Variants in DOCK1 observed in about 807,000 individuals in gnomAD.
The protein encoded by DOCK1 is dedicator of cytokinesis protein 1.
Under a neutral mutation model 262.7 loss-of-function variants are expected in DOCK1, and 138 were observed. That is an observed-to-expected ratio of 0.53 (90% confidence interval 0.46 to 0.61). DOCK1 has a LOEUF of 0.61. Ranked by LOEUF, DOCK1 falls within the 20% of genes least tolerant of loss-of-function variation. The pLI, the probability that DOCK1 is intolerant of heterozygous loss-of-function variation, is 0.00. For synonymous variants in DOCK1, 866 were observed against 867.4 expected (o/e 1.00, Z 0.03); for missense variants, 1,908 against 2,370.7 (o/e 0.80, Z 4.05).
intron 29 of DOCK1, among the ~76,000 whole-genome samples, chr10:127,317,267 C>T (rs192128952): frequency 1.1e-4 from 17 of 152,306 alleles, no homozygotes; most frequent in African/African-American, 3.6e-4. Flanking sequence ...GAGTCACGTC[C>T]GTACATCTGA....
chr10:126,978,712 G>A (rs939504419), intron 3 of DOCK1, among the ~76,000 whole-genome samples: 2 of 152,168 alleles, frequency 1.3e-5, no homozygotes, highest in African/African-American at 4.8e-5. Flanking sequence ...TTGACCCGAT[G>A]TGTTTTAATA....
At chr10:127,354,765 G>T in intron 32 of DOCK1, 38 bp downstream of exon 32, 2 of 1,612,958 alleles carry the variant, frequency 1.2e-6, no homozygotes, top group Non-Finnish European at 1.7e-6. Context: ...TGAATATCTT[G>T]CATCCCTGGT....
chr10:127,029,325 G>A (rs79561109), intron 16 of DOCK1, among the ~76,000 whole-genome samples: 1,831 of 152,344 alleles, frequency 0.012, 19 homozygotes, highest in Non-Finnish European at 0.017. Context: ...AAAGAGCTGA[G>A]GCCACATTGG....
chr10:127,124,228 A>G (rs1222602934), intron 25 of DOCK1, among the ~76,000 whole-genome samples: 1 of 152,240 alleles, frequency 6.6e-6, no homozygotes, highest in East Asian at 1.9e-4. Flanking sequence ...TTTCTTATAT[A>G]AAAGAAACAT....
At chr10:127,328,554 CCAGGGATGG>C (rs1417986611) in intron 29 of DOCK1, among the ~76,000 whole-genome samples, 1 of 152,128 alleles carries the variant, frequency 6.6e-6, no homozygotes, top group African/African-American at 2.4e-5. Context: ...CAGAGGCTTG[CCAGGGATGG>C]CAGGGACGCC....
intron 1 of DOCK1, among the ~76,000 whole-genome samples, chr10:126,951,118 A>G (rs1484771209): frequency 6.7e-6 from 1 of 150,218 alleles, no homozygotes; most frequent in South Asian, 2.1e-4. Flanking sequence ...TGTTGTTGGT[A>G]GTATTGTTGG....
In DOCK1 at chr10:127,449,234, G is replaced by T. The variant is rs567233275; in HGVS notation, c.5565+1689G>T. Among the ~76,000 whole-genome samples, 97 of 152,286 alleles carry T rather than the reference G, an allele frequency of 6.4e-4. 1 individual carries two copies. Among genetic ancestry groups the T allele is most frequent in the African/African-American group, 2.2e-3 (92 of 41,554 alleles). Reference sequence around the variant, plus strand: ...GTGAGAGTAAAAGGAGATTCGGGGGGGTCTAACAAGAATATTGGGTTGCTT... The same window carrying T: ...GTGAGAGTAAAAGGAGATTCGGGGGTGTCTAACAAGAATATTGGGTTGCTT... On this transcript the variant is annotated intron_variant, in intron 51 of 51. Coordinates refer to ENST00000623213, the MANE Select transcript of DOCK1 (RefSeq NM_001290223.2).
chr10:127,040,662 G>A (rs1463609628), intron 19 of DOCK1, among the ~76,000 whole-genome samples: 1 of 152,204 alleles, frequency 6.6e-6, no homozygotes, highest in Non-Finnish European at 1.5e-5. Context: ...GGAAGAGGCT[G>A]CACAGTCCAG....
chr10:127,298,355 T>C (rs1368741277), intron 29 of DOCK1, among the ~76,000 whole-genome samples: 1 of 152,224 alleles, frequency 6.6e-6, no homozygotes, highest in African/African-American at 2.4e-5. Context: ...GTGATAATTG[T>C]AGCAGAGGGC....
At chr10:127,033,145 C>A (rs934451956) in intron 18 of DOCK1, among the ~76,000 whole-genome samples, 2 of 152,202 alleles carry the variant, frequency 1.3e-5, no homozygotes, top group Non-Finnish European at 2.9e-5. Context: ...CTCTTTATGT[C>A]TTCCCCATTC....
intron 25 of DOCK1, among the ~76,000 whole-genome samples, chr10:127,115,536 G>A (rs2049128223): frequency 6.6e-6 from 1 of 152,208 alleles, no homozygotes; most frequent in Non-Finnish European, 1.5e-5. Flanking sequence ...GTTTCCATGT[G>A]ATTATATTGT....
At chr10:127,368,504 A>G (rs1026745426) in intron 33 of DOCK1, among the ~76,000 whole-genome samples, 1 of 151,966 alleles carries the variant, frequency 6.6e-6, no homozygotes, top group Middle Eastern at 3.4e-3. Context: ...GCCCACCCCA[A>G]TCCAGAGAGT....
chr10:127,343,652 A>G lies in DOCK1; in HGVS notation c.3130A>G (p.Asn1044Asp). The G allele has an allele frequency of 6.2e-7, 1 of 1,608,574 alleles. No individual in the cohort carries two copies. Among genetic ancestry groups the G allele is most frequent in the Non-Finnish European group, 8.5e-7 (1 of 1,177,608 alleles). The change falls in exon 31 of 52, where the codon AAC (asparagine) becomes GAC (aspartate). Residue 1044 changes from asparagine (N) to aspartate (D), a missense_variant. Asn to Asp is a conservative substitution (Grantham distance 23). Around this residue, in one of 9 missense-constraint regions of DOCK1, gnomAD observed 518 missense variants for 575.1 expected, o/e 0.90. Coordinates refer to ENST00000623213, the MANE Select transcript of DOCK1 (RefSeq NM_001290223.2). ...CCTCCTTTTTGGTTTTCAGCTGTGGAACAACTACTTTCACCTGGCTGTTGC... is the reference window on the plus strand; with the variant it reads ...CCTCCTTTTTGGTTTTCAGCTGTGGGACAACTACTTTCACCTGGCTGTTGC... ...DQANFELQLW[N>D]NYFHLAVAFL...
chr10:127,189,957 G>A (rs1589854905), intron 27 of DOCK1, among the ~76,000 whole-genome samples: 1 of 152,334 alleles, frequency 6.6e-6, no homozygotes, highest in East Asian at 1.9e-4. Context: ...CTGAGAGACA[G>A]ACATCTCCTT....
chr10:127,374,234 CGTTTTTTCA>C lies in DOCK1; in HGVS notation c.3675+26_3675+34del. On this transcript the variant is annotated intron_variant, in intron 35 of 51. Transcript: ENST00000623213. The stretch of plus-strand genomic sequence containing the variant: ...GTGCTGGTGAGTGAAAGCTTAATCA[CGTTTTTTCA>C]GTTTTCACAGCACACCAGAAACTGA... 1 of 1,596,152 alleles carries C rather than the reference CGTTTTTTCA, an allele frequency of 6.3e-7. No homozygotes were observed. The highest frequency in any genetic ancestry group is 8.5e-7 in the Non-Finnish European group (1 of 1,171,446).
At chr10:126,931,609 A>G (rs1482224536) in intron 1 of DOCK1, among the ~76,000 whole-genome samples, 1 of 152,192 alleles carries the variant, frequency 6.6e-6, no homozygotes, top group Non-Finnish European at 1.5e-5. Context: ...GTGGGGCCTC[A>G]TCTGTTGAAT....
intron 24 of DOCK1, 92 bp downstream of exon 24, chr10:127,106,393 T>TGAG: frequency 7.3e-7 from 1 of 1,374,630 alleles, no homozygotes; most frequent in Non-Finnish European, 1.0e-6. Flanking sequence ...GGGTTCTGCC[T>TGAG]CATGTCTCCA....
intron 25 of DOCK1, among the ~76,000 whole-genome samples, chr10:127,116,531 A>G (rs1303386362): frequency 6.6e-6 from 1 of 152,176 alleles, no homozygotes; most frequent in Non-Finnish European, 1.5e-5. Flanking sequence ...ATAGAAATTT[A>G]TATCTCAAAA....
intron 29 of DOCK1, among the ~76,000 whole-genome samples, chr10:127,307,861 C>T (rs1207612530): frequency 6.6e-6 from 1 of 152,238 alleles, no homozygotes; most frequent in African/African-American, 2.4e-5. Context: ...CCCGTCTCTC[C>T]TGTCCGTGAG....
Sources: gnomAD v4.1 joint callset for allele counts (sites outside exome capture counted in the v4.1 genomes callset) on GRCh38, gnomAD v4.1.1 for gene constraint, gnomAD v4.1.1 regional missense constraint, MANE v1.5 for transcripts, NCBI Gene and HGNC (gene_info 2026-07-23, HGNC 2026-07-21) for gene names.